Variants in LNPEP observed in about 807,000 individuals in gnomAD.
LNPEP encodes leucyl-cystinyl aminopeptidase.
LNPEP carries 64 observed loss-of-function variants against 120.6 expected under a neutral mutation model. The ratio of observed to expected loss-of-function variants is 0.53; its 90% CI spans 0.43 to 0.65. The LOEUF (loss-of-function observed/expected upper bound fraction) is 0.65, where lower values mean the gene tolerates loss of function less well. LNPEP is among the 30% of genes least tolerant of loss of function. The pLI is 0.00. For missense variants in LNPEP, 1,057 were observed against 1,200.0 expected, an observed-to-expected ratio of 0.88 and a Z score of 1.76; for synonymous variants, 435 against 425.4, an observed-to-expected ratio of 1.02 and a Z score of -0.28.
At chr5:97,006,029 T>A (rs1790772184) in intron 9 of LNPEP, 44 bp from the exon 10 acceptor site, 1 of 700,580 alleles carries the variant, frequency 1.4e-6, no homozygotes, top group Non-Finnish European at 1.9e-6. Context: ...CCAATTTTTA[T>A]TTTTAAGGAA....
intron 1 of LNPEP, among the ~76,000 whole-genome samples, chr5:96,978,275 G>A (rs151243619): frequency 1.2e-3 from 175 of 152,116 alleles, no homozygotes; most frequent in African/African-American, 3.9e-3. Context: ...CAAATCGGAA[G>A]GTGTGGTTTG....
At position 97,035,554 on chromosome 5, in the gene LNPEP, A is replaced by G. The variant is rs1179039075; in HGVS notation, c.*7021A>G. 4 of 152,160 alleles carry G rather than the reference A, an allele frequency of 2.6e-5. No individual in the cohort carries two copies. Among genetic ancestry groups the G allele is most frequent in the African/African-American group, 9.7e-5 (4 of 41,446 alleles). 9.4% of individuals were successfully genotyped at this position (152,160 alleles called of 1,614,324 possible). ...TATGACAGCTCACTTCTTTTCCTAC[A>G]TATTTCCTCACTTAGCAGTAGCTAG... On this transcript the variant is annotated 3_prime_UTR_variant, in exon 18 of 18. Coordinates refer to ENST00000231368, the MANE Select transcript of LNPEP (RefSeq NM_005575.3).
chr5:97,009,718 C>T (rs748848495), intron 11 of LNPEP, among the ~76,000 whole-genome samples: 1 of 152,080 alleles, frequency 6.6e-6, no homozygotes, highest in Non-Finnish European at 1.5e-5. Context: ...CCTGCCATTT[C>T]GGGTTTAGAG....
rs535412380 is a variant in LNPEP, at chr5:97,025,838, T to C, written c.2724-779T>C. Among the ~76,000 whole-genome samples, 193 of 152,340 alleles carry C rather than the reference T, an allele frequency of 1.3e-3. 1 individual carries two copies. The highest frequency in any genetic ancestry group is 4.5e-3 in the African/African-American group (185 of 41,572). On this transcript the variant is annotated intron_variant, in intron 15 of 17. Coordinates refer to ENST00000231368, the MANE Select transcript of LNPEP (RefSeq NM_005575.3). ...TATATAAAAAAAAACTAAAGTGTTT[T>C]ATGGGTTCATAATATTCTGTAGTAT... is the stretch of plus-strand genomic sequence containing the variant.
chr5:96,976,600 A>G (rs1252702505), intron 1 of LNPEP, among the ~76,000 whole-genome samples: 1 of 152,180 alleles, frequency 6.6e-6, no homozygotes, highest in Non-Finnish European at 1.5e-5. Context: ...TAGTTCAGAA[A>G]TATAGTAAAT....
intron 4 of LNPEP, among the ~76,000 whole-genome samples, chr5:96,990,524 T>C (rs927491056): frequency 6.6e-6 from 1 of 152,124 alleles, no homozygotes; most frequent in African/African-American, 2.4e-5. Flanking sequence ...CCGATGGGAG[T>C]CTATTTGTAA....
intron 1 of LNPEP, among the ~76,000 whole-genome samples, chr5:96,973,478 A>G (rs965351926): frequency 2.0e-5 from 3 of 152,178 alleles, no homozygotes; most frequent in Non-Finnish European, 4.4e-5. Flanking sequence ...ATAGTTCTAT[A>G]TAAATATGTC....
chr5:96,993,411 A>T (rs894829148), intron 5 of LNPEP, among the ~76,000 whole-genome samples: 1 of 152,210 alleles, frequency 6.6e-6, no homozygotes, highest in Non-Finnish European at 1.5e-5. Context: ...GACTAATTCT[A>T]ACTTCCAAGA....
chr5:97,024,520 G>A lies in LNPEP; in HGVS notation c.2562-1G>A. The A allele has an allele frequency of 6.2e-7, 1 of 1,613,234 alleles. No individual in the cohort carries two copies. Among genetic ancestry groups the A allele is most frequent in the Non-Finnish European group, 8.5e-7 (1 of 1,179,586 alleles). ...CTCATGTTTGACCACCTCTCTTACA[G>A]CCTACCTACTGATGTCATGACAACT... is the stretch of plus-strand genomic sequence containing the variant. On this transcript the variant is annotated splice_acceptor_variant, in intron 14 of 17. Transcript: ENST00000231368. LOFTEE classifies it high-confidence loss of function.
chr5:97,024,602 C>T lies in LNPEP; in HGVS notation c.2643C>T (p.Tyr881=), dbSNP rs1176425073. The change falls in exon 15 of 18, where the codon TAC becomes TAT. Residue 881 remains tyrosine, a synonymous_variant. Transcript: ENST00000231368. The part of the protein sequence containing the change: ...DKGWSFLLGK[Y]ISIGSEAEKN... ...GCTGGTCATTCCTTTTGGGCAAATA[C>T]ATTTCTATAGGCTCTGAAGCAGAGA... is the stretch of plus-strand genomic sequence containing the variant. The T allele has an allele frequency of 1.9e-6, 3 of 1,614,030 alleles. No individual in the cohort carries two copies. The highest frequency in any genetic ancestry group is 2.5e-6 in the Non-Finnish European group (3 of 1,179,898).
chr5:97,028,442 G>A lies in LNPEP; in HGVS notation c.2987G>A (p.Arg996Gln), dbSNP rs375167356. 3.0e-5 allele frequency: 49 copies of A among 1,613,812 alleles called. No individual in the cohort carries two copies. Among genetic ancestry groups the A allele is most frequent in the African/African-American group, 1.1e-4 (8 of 74,926 alleles). ...FFENQSEATFRLRCVQEALEV... is the reference protein window; with the variant it reads ...FFENQSEATFQLRCVQEALEV... ...GAAAATCAGTCAGAGGCAACCTTCC[G>A]GCTTCGTTGTGTCCAGGAGGCTTTG... Residue 996 changes from arginine to glutamine, a missense_variant, in exon 18 of 18, where the codon CGG (arginine) becomes CAG (glutamine). Coordinates refer to ENST00000231368, the MANE Select transcript of LNPEP (RefSeq NM_005575.3).
chr5:96,969,139 A>G (rs917032271), intron 1 of LNPEP, among the ~76,000 whole-genome samples: 10 of 152,098 alleles, frequency 6.6e-5, no homozygotes. Flanking sequence ...TATCCAGAAA[A>G]ACTCAGTTAA....
chr5:96,961,268 A>G (rs1302686871), intron 1 of LNPEP, among the ~76,000 whole-genome samples: 3 of 152,156 alleles, frequency 2.0e-5, no homozygotes, highest in Non-Finnish European at 4.4e-5. Flanking sequence ...GAAAGCGGTT[A>G]TTTTCAAAAT....
intron 13 of LNPEP, among the ~76,000 whole-genome samples, chr5:97,018,762 A>G (rs1791121669): frequency 6.6e-6 from 1 of 152,204 alleles, no homozygotes; most frequent in African/African-American, 2.4e-5. Context: ...TAACTTCTAT[A>G]TCATTGGAAC....
At chr5:96,962,954 G>A (rs955911760) in intron 1 of LNPEP, among the ~76,000 whole-genome samples, 1 of 152,126 alleles carries the variant, frequency 6.6e-6, no homozygotes, top group Admixed American at 6.6e-5. Context: ...TTCCTATGAA[G>A]TCACGTACAA....
At position 96,954,735 on chromosome 5, in the gene LNPEP, C is replaced by T. The variant is rs1379101097; in HGVS notation, c.19+18561C>T. On this transcript the variant is annotated intron_variant, in intron 1 of 17. Transcript: ENST00000231368. Reference sequence around the variant, plus strand: ...ACACATATATATACATATATATATACATATATATATACACATATATATATA... The same window carrying T: ...ACACATATATATACATATATATATATATATATATATACACATATATATATA... Among the ~76,000 whole-genome samples the T allele has an allele frequency of 2.4e-4, 17 of 69,636 alleles. 2 individuals carry two copies. The East Asian group carries it at 3.0e-3, about 12-fold the overall frequency. The allele number at this position is 69,636 out of a possible 152,430, so 45.7% of individuals were successfully genotyped here.
intron 1 of LNPEP, among the ~76,000 whole-genome samples, chr5:96,971,577 T>C (rs55870170): frequency 0.05 from 7,570 of 152,164 alleles, 277 homozygotes; most frequent in Middle Eastern, 0.12. Flanking sequence ...GCTGTGTTTA[T>C]TTTTCTTCAA....
intron 12 of LNPEP, among the ~76,000 whole-genome samples, chr5:97,014,683 A>G (rs1424683191): frequency 1.3e-5 from 2 of 152,188 alleles, no homozygotes; most frequent in Non-Finnish European, 1.5e-5. Flanking sequence ...CTGAGTTAGT[A>G]GCAATTTACA....
intron 11 of LNPEP, among the ~76,000 whole-genome samples, chr5:97,007,362 C>T (rs186322835): frequency 6.6e-6 from 1 of 151,912 alleles, no homozygotes; most frequent in African/African-American, 2.4e-5. Context: ...TGATTTTAGG[C>T]GAGTTATGTG....
Sources: allele counts gnomAD v4.1 joint callset (sites outside exome capture counted in the v4.1 genomes callset), GRCh38; gene constraint gnomAD v4.1.1; transcripts MANE v1.5; gene names NCBI Gene and HGNC (gene_info 2026-07-23, HGNC 2026-07-21).